Variants in AFG1L observed in about 807,000 individuals in gnomAD.
The protein encoded by AFG1L is AFG1 like ATPase, also known as AFG1-like ATPase.
In AFG1L, 53 loss-of-function variants were observed where a neutral mutation model predicts 62.2. That is an observed-to-expected ratio of 0.85 (90% CI 0.68 to 1.07). The LOEUF is 1.07. AFG1L is among the 50% of genes least tolerant of loss of function. The probability of loss-of-function intolerance (pLI) is 0.00; values close to 1 mark genes in which losing one functional copy is unlikely to be tolerated. For missense variants in AFG1L, 555 were observed against 590.5 expected (o/e 0.94, Z 0.62); for synonymous variants, 228 against 210.3 (o/e 1.08, Z -0.73).
At chr6:108,489,674 G>T (rs1187074768) in intron 10 of AFG1L, among the ~76,000 whole-genome samples, 1 of 152,166 alleles carries the variant, frequency 6.6e-6, no homozygotes, top group African/African-American at 2.4e-5. Context: ...AGAGGATAGG[G>T]CATGGAGGAG....
chr6:108,450,933 G>A (rs1772027383), intron 8 of AFG1L, among the ~76,000 whole-genome samples: 1 of 149,250 alleles, frequency 6.7e-6, no homozygotes, highest in Non-Finnish European at 1.5e-5. Context: ...CTGTTCCACT[G>A]GTATTAAAAA....
At chr6:108,495,662 T>G (rs2114863035) in intron 10 of AFG1L, among the ~76,000 whole-genome samples, 1 of 152,336 alleles carries the variant, frequency 6.6e-6, no homozygotes, top group East Asian at 1.9e-4. Context: ...TATTTTTAAG[T>G]TTGTTAGAGA....
chr6:108,401,300 GC>G, intron 6 of AFG1L, among the ~76,000 whole-genome samples: 1 of 151,594 alleles, frequency 6.6e-6, no homozygotes, highest in South Asian at 2.1e-4. Flanking sequence ...CCGCCACCGC[GC>G]CCGGCTAATT....
chr6:108,405,236 T>C (rs1399957119), intron 7 of AFG1L, among the ~76,000 whole-genome samples: 1 of 152,220 alleles, frequency 6.6e-6, no homozygotes, highest in Non-Finnish European at 1.5e-5. Context: ...TGATTTTTGG[T>C]ATAAGTGATT....
intron 8 of AFG1L, among the ~76,000 whole-genome samples, chr6:108,472,706 A>T (rs7773636): frequency 0.034 from 4,983 of 148,066 alleles, 265 homozygotes; most frequent in African/African-American, 0.12. Context: ...TTGAGATGGA[A>T]TCTCGCTCCG....
intron 2 of AFG1L, among the ~76,000 whole-genome samples, chr6:108,331,249 G>A (rs1194978340): frequency 6.6e-6 from 1 of 152,176 alleles, no homozygotes; most frequent in African/African-American, 2.4e-5. Flanking sequence ...TCGTGCCACT[G>A]CACTCCAGCC....
chr6:108,513,260 G>A (rs1378692506), intron 11 of AFG1L, among the ~76,000 whole-genome samples: 3 of 152,246 alleles, frequency 2.0e-5, no homozygotes, highest in Non-Finnish European at 4.4e-5. Flanking sequence ...TTGTCAGACA[G>A]TGGGTGCAGG....
chr6:108,504,568 G>A (rs1310582369), intron 10 of AFG1L, among the ~76,000 whole-genome samples: 1 of 152,178 alleles, frequency 6.6e-6, no homozygotes, highest in African/African-American at 2.4e-5. Context: ...GAAAAAGTGT[G>A]ACATATTGTG....
intron 7 of AFG1L, among the ~76,000 whole-genome samples, chr6:108,442,756 C>A (rs1771604801): frequency 7.6e-6 from 1 of 131,524 alleles, no homozygotes; most frequent in Admixed American, 7.8e-5. Context: ...CTCAGGGTAA[C>A]CAAGCATCCC....
chr6:108,331,163 T>A lies in AFG1L; in HGVS notation c.363+7115T>A, dbSNP rs1392544115. Among the ~76,000 whole-genome samples, 3 of 151,834 alleles carry A rather than the reference T, an allele frequency of 2.0e-5. No homozygotes were observed. In the East Asian group the frequency reaches 5.8e-4, roughly 29 times the overall value. On this transcript the variant is annotated intron_variant, in intron 2 of 12. Transcript: ENST00000368977. Reference sequence around the variant, plus strand: ...TTAGCTAGGCATGGTGGTACATGCCTGTGGTCCACCTAATTGGGAGGCTGA... The same window carrying A: ...TTAGCTAGGCATGGTGGTACATGCCAGTGGTCCACCTAATTGGGAGGCTGA...
chr6:108,374,855 C>G (rs1780172666), intron 6 of AFG1L, among the ~76,000 whole-genome samples: 1 of 151,954 alleles, frequency 6.6e-6, no homozygotes, highest in Non-Finnish European at 1.5e-5. Flanking sequence ...TAGTTTTTTC[C>G]AAATCTGTGA....
At chr6:108,344,633 C>G in intron 2 of AFG1L, 1 of 453,760 alleles carries the variant, frequency 2.2e-6, no homozygotes, top group Non-Finnish European at 4.5e-6. Context: ...GGATGAGACC[C>G]TGAAAGCTAG....
At chr6:108,382,784 A>C (rs1780603863) in intron 6 of AFG1L, among the ~76,000 whole-genome samples, 1 of 152,222 alleles carries the variant, frequency 6.6e-6, no homozygotes, top group Non-Finnish European at 1.5e-5. Flanking sequence ...GATTATGACA[A>C]CAACTAGGTG....
At chr6:108,396,055 T>G (rs967169761) in intron 6 of AFG1L, among the ~76,000 whole-genome samples, 7 of 151,704 alleles carry the variant, frequency 4.6e-5, no homozygotes, top group East Asian at 1.9e-4. Flanking sequence ...TTTGTTTTTT[T>G]TTTTGTAGAG....
intron 10 of AFG1L, among the ~76,000 whole-genome samples, chr6:108,501,696 A>G (rs781361127): frequency 6.6e-6 from 1 of 152,116 alleles, no homozygotes; most frequent in East Asian, 1.9e-4. Context: ...TGAAGTGATC[A>G]TATTACTGTC....
At chr6:108,429,143 C>T (rs1244540450) in intron 7 of AFG1L, among the ~76,000 whole-genome samples, 2 of 152,092 alleles carry the variant, frequency 1.3e-5, no homozygotes, top group Non-Finnish European at 2.9e-5. Flanking sequence ...ATCCAGTTTT[C>T]CCAGCACCAT....
intron 1 of AFG1L, among the ~76,000 whole-genome samples, chr6:108,313,972 T>C (rs1373601827): frequency 6.6e-6 from 1 of 152,122 alleles, no homozygotes; most frequent in Admixed American, 6.5e-5. Flanking sequence ...CTGAGCACTT[T>C]GGGAGGCCAA....
intron 7 of AFG1L, among the ~76,000 whole-genome samples, chr6:108,444,916 T>C (rs1771699003): frequency 6.6e-6 from 1 of 152,248 alleles, no homozygotes; most frequent in Non-Finnish European, 1.5e-5. Flanking sequence ...AGAGTCAGCC[T>C]GTCCTTTGAA....
chr6:108,341,072 G>C (rs1474316280), intron 2 of AFG1L, among the ~76,000 whole-genome samples: 1 of 152,204 alleles, frequency 6.6e-6, no homozygotes, highest in African/African-American at 2.4e-5. Flanking sequence ...CTGCACGACT[G>C]TCAGACTTTT....
Sources: allele counts gnomAD v4.1 joint callset (sites outside exome capture counted in the v4.1 genomes callset), GRCh38; gene constraint gnomAD v4.1.1; transcripts MANE v1.5; gene names NCBI Gene and HGNC (gene_info 2026-07-23, HGNC 2026-07-21).